Variants in THSD7B observed in about 807,000 individuals in gnomAD.
THSD7B encodes the protein thrombospondin type 1 domain containing 7B, also known as thrombospondin type-1 domain-containing protein 7B.
THSD7B carries 138 observed loss-of-function variants against 213.6 expected under a neutral mutation model. That is an observed-to-expected ratio of 0.65 (90% confidence interval 0.56 to 0.74). The LOEUF (loss-of-function observed/expected upper bound fraction) is 0.74, where lower values mean the gene tolerates loss of function less well. Ranked by LOEUF, THSD7B falls within the 30% of genes least tolerant of loss-of-function variation. The pLI, the probability that THSD7B is intolerant of heterozygous loss-of-function variation, is 0.00. For synonymous variants in THSD7B, 742 were observed against 687.0 expected (o/e 1.08, Z -1.25); for missense variants, 1,931 against 1,991.5 (o/e 0.97, Z 0.58).
intron 5 of THSD7B, among the ~76,000 whole-genome samples, chr2:137,119,261 T>A (rs1222787961): frequency 1.4e-5 from 2 of 146,508 alleles, no homozygotes; most frequent in Non-Finnish European, 3.1e-5. Flanking sequence ...TACATGACAA[T>A]CAAACATTTA....
intron 2 of THSD7B, among the ~76,000 whole-genome samples, chr2:137,029,432 C>G (rs1686618038): frequency 1.3e-5 from 2 of 151,984 alleles, no homozygotes; most frequent in Middle Eastern, 3.2e-3. Flanking sequence ...CCACCTTTAC[C>G]CTATTGTTTT....
intron 12 of THSD7B, among the ~76,000 whole-genome samples, chr2:137,332,560 G>T (rs1558761018): frequency 6.6e-6 from 1 of 152,144 alleles, no homozygotes; most frequent in Non-Finnish European, 1.5e-5. Flanking sequence ...CTGTTGGAAA[G>T]GTATGATTGT....
chr2:137,252,861 G>T (rs1682218497), intron 10 of THSD7B, among the ~76,000 whole-genome samples: 1 of 151,546 alleles, frequency 6.6e-6, no homozygotes, highest in Non-Finnish European at 1.5e-5. Flanking sequence ...TTACACTCTG[G>T]GTGCTAAACT....
rs79361802 is a variant in THSD7B, at chr2:136,930,119, T to C, written c.139+47802T>C. 2.6e-3 allele frequency among the ~76,000 whole-genome samples: 403 copies of C among 152,292 alleles called. 1 individual carries two copies. Among genetic ancestry groups the C allele is most frequent in the African/African-American group, 9.2e-3 (384 of 41,562 alleles). ...CACATCTCTGCTCTGCAAGTTCTTATAACCAAAATGGAGAAATGGCAGAAC... is the reference window on the plus strand; with the variant it reads ...CACATCTCTGCTCTGCAAGTTCTTACAACCAAAATGGAGAAATGGCAGAAC... On this transcript the variant is annotated intron_variant, in intron 2 of 27. Coordinates refer to ENST00000409968, the MANE Select transcript of THSD7B (RefSeq NM_001316349.2).
intron 2 of THSD7B, among the ~76,000 whole-genome samples, chr2:137,035,762 G>C (rs960392823): frequency 1.3e-5 from 2 of 151,964 alleles, no homozygotes; most frequent in African/African-American, 4.8e-5. Context: ...GATATTAGAA[G>C]GATTAACTAA....
At chr2:136,937,863 A>G (rs916473948) in intron 2 of THSD7B, among the ~76,000 whole-genome samples, 23 of 152,164 alleles carry the variant, frequency 1.5e-4, no homozygotes, top group African/African-American at 5.3e-4. Flanking sequence ...TGAGTAGAGC[A>G]GTTGCTTGAT....
At chr2:137,355,825 G>C (rs571017840) in intron 12 of THSD7B, among the ~76,000 whole-genome samples, 1 of 152,302 alleles carries the variant, frequency 6.6e-6, no homozygotes, top group South Asian at 2.1e-4. Flanking sequence ...GGTCACAGAA[G>C]CCAACTGTAG....
chr2:137,132,810 CTT>C (rs1387761579), intron 5 of THSD7B, among the ~76,000 whole-genome samples: 1 of 152,174 alleles, frequency 6.6e-6, no homozygotes, highest in East Asian at 1.9e-4. Flanking sequence ...ATTATATAGA[CTT>C]TTCCCTTGTA....
At chr2:137,373,228 G>A (rs549409878) in intron 12 of THSD7B, among the ~76,000 whole-genome samples, 6 of 152,256 alleles carry the variant, frequency 3.9e-5, no homozygotes, top group South Asian at 2.1e-4. Flanking sequence ...TGGGACGGCC[G>A]GGTCAAATGG....
chr2:136,791,567 C>T (rs924201484), intron 1 of THSD7B, among the ~76,000 whole-genome samples: 11 of 151,480 alleles, frequency 7.3e-5, no homozygotes, highest in African/African-American at 2.4e-4. Flanking sequence ...CCATCCGAGG[C>T]AACCCTAATC....
chr2:137,614,123 G>T (rs991302796), intron 17 of THSD7B, among the ~76,000 whole-genome samples: 20 of 151,976 alleles, frequency 1.3e-4, no homozygotes, highest in African/African-American at 4.6e-4. Context: ...TGCAGTGTTG[G>T]TTTTCTTTAT....
At chr2:136,905,426 C>G (rs538952394) in intron 2 of THSD7B, among the ~76,000 whole-genome samples, 2 of 152,166 alleles carry the variant, frequency 1.3e-5, no homozygotes, top group South Asian at 4.2e-4. Context: ...TATGAGAAGA[C>G]GAAGACAAAG....
intron 14 of THSD7B, among the ~76,000 whole-genome samples, chr2:137,421,610 C>A (rs1686927765): frequency 6.6e-6 from 1 of 152,206 alleles, no homozygotes. Context: ...TGGAAGCTCC[C>A]TGAACCTGGT....
At chr2:136,949,631 A>G (rs1685001443) in intron 2 of THSD7B, among the ~76,000 whole-genome samples, 2 of 152,258 alleles carry the variant, frequency 1.3e-5, no homozygotes, top group Admixed American at 6.5e-5. Flanking sequence ...CAGCAACTAC[A>G]GACCAGGAGT....
At chr2:137,239,224 G>C (rs891060332) in intron 9 of THSD7B, among the ~76,000 whole-genome samples, 4 of 152,080 alleles carry the variant, frequency 2.6e-5, no homozygotes, top group Non-Finnish European at 5.9e-5. Flanking sequence ...GCTTCCCCCA[G>C]CTGTAACATC....
intron 3 of THSD7B, among the ~76,000 whole-genome samples, chr2:137,071,450 G>C (rs982969965): frequency 6.6e-6 from 1 of 152,122 alleles, no homozygotes; most frequent in Non-Finnish European, 1.5e-5. Flanking sequence ...GTAGATTCTG[G>C]ATATTAGCCC....
Position 137,411,645 on chromosome 2 carries a change from A to C in THSD7B, c.2732A>C (p.Asp911Ala). 6.2e-7 allele frequency: 1 copy of C among 1,613,830 alleles called. No individual in the cohort carries two copies. Among genetic ancestry groups the C allele is most frequent in the Non-Finnish European group, 8.5e-7 (1 of 1,179,780 alleles). ...SRKKEKCQDSDLYPLVETELC... is the reference protein window; with the variant it reads ...SRKKEKCQDSALYPLVETELC... ...AAGAAGGAGAAATGCCAGGATTCTGACCTTTACCCTCTAGTGGAGACAGAA... is the reference window on the plus strand; with the variant it reads ...AAGAAGGAGAAATGCCAGGATTCTGCCCTTTACCCTCTAGTGGAGACAGAA... Residue 911 changes from aspartate to alanine, a missense_variant, in exon 14 of 28, where the codon GAC (aspartate) becomes GCC (alanine). Physicochemically the swap from Asp to Ala is moderately radical, Grantham distance 126. Transcript: ENST00000409968.
intron 3 of THSD7B, among the ~76,000 whole-genome samples, chr2:137,064,635 A>G (rs531978661): frequency 7.2e-4 from 110 of 151,970 alleles, no homozygotes; most frequent in African/African-American, 2.7e-3. Context: ...GTCGTTTCAT[A>G]GTTTGAGGTC....
chr2:137,266,135 CT>C (rs1682585103), intron 10 of THSD7B, among the ~76,000 whole-genome samples: 1 of 152,082 alleles, frequency 6.6e-6, no homozygotes, highest in Admixed American at 6.5e-5. Flanking sequence ...TTTTTAAAAT[CT>C]TTCTTTTCTT....
Sources: allele counts gnomAD v4.1 joint callset (sites outside exome capture counted in the v4.1 genomes callset), GRCh38; gene constraint gnomAD v4.1.1; transcripts MANE v1.5; gene names NCBI Gene and HGNC (gene_info 2026-07-23, HGNC 2026-07-21).